Variants in CXADR observed in about 807,000 individuals in gnomAD.
The protein encoded by CXADR is CXADR cell adhesion molecule, also known as coxsackievirus and adenovirus receptor.
CXADR carries 20 observed loss-of-function variants against 40.3 expected under a neutral mutation model. That is an observed-to-expected ratio of 0.50 (90% CI 0.35 to 0.72). The LOEUF is 0.72. Ranked by LOEUF, CXADR falls within the 30% of genes least tolerant of loss-of-function variation. The pLI is 0.01. For missense variants in CXADR, 332 were observed against 449.1 expected, an observed-to-expected ratio of 0.74 and a Z score of 2.36; for synonymous variants, 150 against 161.3, an observed-to-expected ratio of 0.93 and a Z score of 0.53.
chr21:17,580,515 A>T (rs2061352749), intron 7 of CXADR, among the ~76,000 whole-genome samples: 1 of 152,114 alleles, frequency 6.6e-6, no homozygotes, highest in Admixed American at 6.6e-5. Context: ...AGGCTGAAGT[A>T]GGAGGATCAC....
At chr21:17,593,399 C>T (rs2061460883) in exon 8 of CXADR, 1 of 376,422 alleles carries the variant, frequency 2.7e-6, no homozygotes, top group Non-Finnish European at 4.7e-6. Context: ...GTTAAAAAAC[C>T]CTATGTATAG....
intron 7 of CXADR, among the ~76,000 whole-genome samples, chr21:17,588,286 T>C (rs1032708288): frequency 5.9e-5 from 9 of 152,230 alleles, no homozygotes; most frequent in Admixed American, 1.3e-4. Context: ...CATTGGTAGC[T>C]TGATGGGGAT....
rs1061467 is a variant in CXADR, at chr21:17,565,890, A to C, written c.*198A>C. 4.8e-6 allele frequency: 6 copies of C among 1,248,916 alleles called. No homozygotes were observed. The Admixed American group carries it at 1.5e-4, about 32-fold the overall frequency. 77.4% of individuals were successfully genotyped at this position (1,248,916 alleles called of 1,614,324 possible). A position where few individuals can be genotyped will look rare whatever the true frequency, so the allele number is the denominator to read the frequency against. On this transcript the variant is annotated 3_prime_UTR_variant, in exon 7 of 7. Coordinates refer to ENST00000284878, the MANE Select transcript of CXADR (RefSeq NM_001338.5). ...TTACAGGCACTAAAGTTAGTAAAGA[A>C]AAGTTTACCATCTGAAAAAGCTGGA...
At chr21:17,630,549 G>A in the CXADR span, among the ~76,000 whole-genome samples, 1 of 151,316 alleles carries the variant, frequency 6.6e-6, no homozygotes, top group East Asian at 1.9e-4. Flanking sequence ...AAATATTTCT[G>A]TATACTGTTG....
chr21:17,549,895 G>A (rs1296818596), intron 2 of CXADR, among the ~76,000 whole-genome samples: 1 of 152,184 alleles, frequency 6.6e-6, no homozygotes, highest in Non-Finnish European at 1.5e-5. Context: ...CCAGATTTGT[G>A]GAGTAGTCAG....
chr21:17,528,822 C>T (rs1012236606), intron 1 of CXADR, among the ~76,000 whole-genome samples: 7 of 152,116 alleles, frequency 4.6e-5, no homozygotes, highest in African/African-American at 1.7e-4. Flanking sequence ...AGTGAGGCCT[C>T]CAGAGCCTTT....
At chr21:17,599,642 G>A in the CXADR span, among the ~76,000 whole-genome samples, 1 of 152,056 alleles carries the variant, frequency 6.6e-6, no homozygotes, top group Admixed American at 6.6e-5. Flanking sequence ...ACCACGCCCA[G>A]CTAATTTTTG....
the CXADR span, among the ~76,000 whole-genome samples, chr21:17,615,219 A>G: frequency 1.3e-5 from 2 of 152,320 alleles, no homozygotes; most frequent in Admixed American, 1.3e-4. Flanking sequence ...GGGAGAAGAC[A>G]GCAAACCAGA....
At chr21:17,554,888 C>A (rs190155058) in intron 3 of CXADR, among the ~76,000 whole-genome samples, 85 of 152,192 alleles carry the variant, frequency 5.6e-4, no homozygotes, top group Non-Finnish European at 2.5e-4. Flanking sequence ...GCCATCATGG[C>A]ATTCACAGGG....
intron 7 of CXADR, among the ~76,000 whole-genome samples, chr21:17,577,509 T>G (rs981326379): frequency 6.6e-6 from 1 of 151,856 alleles, no homozygotes; most frequent in African/African-American, 2.4e-5. Flanking sequence ...TTTCATTCTT[T>G]TGAACATTCA....
chr21:17,608,135 G>A, the CXADR span, among the ~76,000 whole-genome samples: 1 of 152,200 alleles, frequency 6.6e-6, no homozygotes, highest in African/African-American at 2.4e-5. Flanking sequence ...GGGAGGCAAA[G>A]GGAGAAGATC....
At chr21:17,622,280 C>T in the CXADR span, among the ~76,000 whole-genome samples, 1 of 152,136 alleles carries the variant, frequency 6.6e-6, no homozygotes, top group East Asian at 1.9e-4. Flanking sequence ...GTTCCCACCC[C>T]ACCCCAGCCC....
At chr21:17,612,843 C>T in the CXADR span, 1 of 152,116 alleles carries the variant, frequency 6.6e-6, no homozygotes, top group Non-Finnish European at 1.5e-5. Flanking sequence ...GCTCCCGCGT[C>T]GTCGGGCGGC....
At chr21:17,536,394 T>G (rs2060757672) in intron 1 of CXADR, among the ~76,000 whole-genome samples, 2 of 152,192 alleles carry the variant, frequency 1.3e-5, no homozygotes, top group Admixed American at 1.3e-4. Context: ...CATGTAGGCT[T>G]CATTGTTCGG....
At chr21:17,628,854 G>A in the CXADR span, among the ~76,000 whole-genome samples, 1 of 152,154 alleles carries the variant, frequency 6.6e-6, no homozygotes, top group South Asian at 2.1e-4. Flanking sequence ...TCTCTCACTT[G>A]GGAGAGGGTC....
In CXADR at chr21:17,547,155, C is replaced by T. The variant is rs1481190612; in HGVS notation, c.172C>T (p.Leu58=). ...EDQGPLDIEW[L]ISPADNQKVD... ...CCAGGGACCGCTGGACATCGAGTGG[C>T]TGATATCACCAGCTGATAATCAGAA... is the stretch of plus-strand genomic sequence containing the variant. Residue 58 remains leucine, a synonymous_variant, in exon 2 of 7, where the codon CTG becomes TTG. Transcript: ENST00000284878. 1 of 1,614,148 alleles carries T rather than the reference C, an allele frequency of 6.2e-7. No individual in the cohort carries two copies. Among genetic ancestry groups the T allele is most frequent in the Non-Finnish European group, 8.5e-7 (1 of 1,180,026 alleles).
chr21:17,568,615 T>C lies in CXADR; in HGVS notation c.*2923T>C, dbSNP rs1332705243. ...ACTATTGCTCAGGCTGGTCTCAAAC[T>C]GCTGGGCTCAGGAGATCCTCCTGCC... On this transcript the variant is annotated 3_prime_UTR_variant, in exon 7 of 7. Coordinates refer to ENST00000284878, the MANE Select transcript of CXADR (RefSeq NM_001338.5). The C allele has an allele frequency of 1.0e-6, 1 of 980,816 alleles. No homozygotes were observed. The highest frequency in any genetic ancestry group is 1.8e-5 in the African/African-American group (1 of 56,556). 60.8% of individuals were successfully genotyped at this position (980,816 alleles called of 1,614,324 possible). A position where few individuals can be genotyped will look rare whatever the true frequency, so the allele number is the denominator to read the frequency against.
chr21:17,594,236 G>T, downstream of CXADR: 1 of 1,613,372 alleles, frequency 6.2e-7, no homozygotes. Context: ...ACAGGAGGAG[G>T]ATAGTGATTC....
chr21:17,631,046 A>T, the CXADR span, among the ~76,000 whole-genome samples: 1 of 152,170 alleles, frequency 6.6e-6, no homozygotes, highest in African/African-American at 2.4e-5. Flanking sequence ...CAAATTTGAG[A>T]TTCTCTAAGA....
Sources: allele counts gnomAD v4.1 joint callset (sites outside exome capture counted in the v4.1 genomes callset), GRCh38; gene constraint gnomAD v4.1.1; transcripts MANE v1.5; gene names NCBI Gene and HGNC (gene_info 2026-07-23, HGNC 2026-07-21).